The following TNKS variants were observed in gnomAD, a reference collection of about 807,000 sequenced individuals.
The protein encoded by TNKS is poly [ADP-ribose] polymerase tankyrase-1.
Under a neutral mutation model 135.8 loss-of-function variants are expected in TNKS, and 72 were observed. That is an observed-to-expected ratio of 0.53 (90% CI 0.44 to 0.64). The LOEUF (loss-of-function observed/expected upper bound fraction) is 0.64. Among genes scored for constraint, TNKS ranks in the 30% least tolerant of loss-of-function variants. The pLI, the probability that TNKS is intolerant of heterozygous loss-of-function variation, is 0.00. For synonymous variants in TNKS, 849 were observed against 649.3 expected (o/e 1.31, Z -4.68); for missense variants, 1,769 against 1,674.0 (o/e 1.06, Z -0.99).
intron 2 of TNKS, among the ~76,000 whole-genome samples, chr8:9,594,053 T>G (rs533958357): frequency 6.6e-6 from 1 of 152,064 alleles, no homozygotes; most frequent in African/African-American, 2.4e-5. Flanking sequence ...CGCATGGCTA[T>G]GTTTTGTATT....
chr8:9,776,782 GGA>G lies in TNKS; in HGVS notation c.*47_*48del. 1.3e-6 allele frequency: 2 copies of G among 1,532,836 alleles called. No individual in the cohort carries two copies. The highest frequency in any genetic ancestry group is 1.1e-5 in the South Asian group (1 of 89,040). The allele number at this position is 1,532,836 out of a possible 1,614,324, so 95.0% of individuals were successfully genotyped here. On this transcript the variant is annotated 3_prime_UTR_variant, in exon 27 of 27. Coordinates refer to ENST00000310430, the MANE Select transcript of TNKS (RefSeq NM_003747.3). ...CCAGATCAGATTTCAACCTGGGACT[GGA>G]TTACAGAGGATTGTTTCTAATAACA...
intron 3 of TNKS, chr8:9,670,123 C>T (rs1165927131): frequency 1.3e-5 from 2 of 152,146 alleles, no homozygotes; most frequent in Non-Finnish European, 2.9e-5. Context: ...ATCTCCTTTC[C>T]ACATTTCGTT....
chr8:9,638,291 C>T (rs922263536), intron 3 of TNKS, among the ~76,000 whole-genome samples: 7 of 152,150 alleles, frequency 4.6e-5, no homozygotes, highest in Non-Finnish European at 7.3e-5. Context: ...CTTATATTTC[C>T]CTGTGTTTGC....
At chr8:9,688,210 C>T (rs1803100717) in intron 5 of TNKS, among the ~76,000 whole-genome samples, 1 of 152,068 alleles carries the variant, frequency 6.6e-6, no homozygotes, top group African/African-American at 2.4e-5. Context: ...ACAGACTGTT[C>T]AGTTAATATC....
Position 9,781,524 on chromosome 8 carries a change from T to C in TNKS, c.*4788T>C, listed in dbSNP as rs1808456178. The C allele has an allele frequency of 6.6e-6, 1 of 152,242 alleles. No individual in the cohort carries two copies. Among genetic ancestry groups the C allele is most frequent in the South Asian group, 2.1e-4 (1 of 4,834 alleles). 9.4% of individuals were successfully genotyped at this position (152,242 alleles called of 1,614,324 possible). A position where few individuals can be genotyped will look rare whatever the true frequency, so the allele number is the denominator to read the frequency against. The stretch of plus-strand genomic sequence containing the variant: ...GAAGATGACCTTGAGTATGTAAACA[T>C]TGTCTCCGTGACACAAAACACTGAA... On this transcript the variant is annotated 3_prime_UTR_variant, in exon 27 of 27. Coordinates refer to ENST00000310430, the MANE Select transcript of TNKS (RefSeq NM_003747.3).
At chr8:9,706,713 A>C in intron 7 of TNKS, 98 bp from the exon 8 acceptor site, 1 of 1,158,858 alleles carries the variant, frequency 8.6e-7, no homozygotes, top group South Asian at 1.6e-5. Flanking sequence ...TATTTGAACA[A>C]GTTATAACTG....
At chr8:9,766,163 G>T (rs747355918) in intron 24 of TNKS, 76 bp from the exon 25 acceptor site, 50 of 1,236,602 alleles carry the variant, frequency 4.0e-5, no homozygotes, top group Non-Finnish European at 4.8e-5. Flanking sequence ...TAACCTGCCC[G>T]ATGCAAATAG....
At chr8:9,605,406 A>C (rs535606951) in intron 2 of TNKS, among the ~76,000 whole-genome samples, 2 of 152,088 alleles carry the variant, frequency 1.3e-5, no homozygotes, top group South Asian at 4.2e-4. Context: ...ATTTTTTTTC[A>C]ATGTTTGACT....
At chr8:9,755,763 C>T (rs1806802023) in intron 20 of TNKS, among the ~76,000 whole-genome samples, 1 of 152,138 alleles carries the variant, frequency 6.6e-6, no homozygotes, top group Admixed American at 6.5e-5. Context: ...GCTTCTATGT[C>T]TCATTGCCTG....
intron 15 of TNKS, 133 bp downstream of exon 15, chr8:9,733,577 C>T (rs376552450): frequency 1.4e-6 from 1 of 726,860 alleles, no homozygotes. Flanking sequence ...TTCTATTTCC[C>T]AGAAGACCGT....
chr8:9,678,557 A>C (rs1206059484), intron 3 of TNKS, among the ~76,000 whole-genome samples: 1 of 152,194 alleles, frequency 6.6e-6, no homozygotes, highest in Non-Finnish European at 1.5e-5. Context: ...GTATTTAACA[A>C]CTTTTTACTT....
chr8:9,673,647 T>C (rs1170118065), intron 3 of TNKS, among the ~76,000 whole-genome samples: 3 of 151,952 alleles, frequency 2.0e-5, no homozygotes, highest in Non-Finnish European at 4.4e-5. Flanking sequence ...GGTTTCACCA[T>C]CTTGACCAGG....
intron 5 of TNKS, among the ~76,000 whole-genome samples, chr8:9,698,002 G>C (rs1464080312): frequency 6.6e-6 from 1 of 152,106 alleles, no homozygotes; most frequent in African/African-American, 2.4e-5. Flanking sequence ...AATCAACCTA[G>C]GTGCCTATCA....
At chr8:9,606,590 T>C (rs1799229200) in intron 2 of TNKS, among the ~76,000 whole-genome samples, 1 of 152,134 alleles carries the variant, frequency 6.6e-6, no homozygotes, top group Non-Finnish European at 1.5e-5. Flanking sequence ...TTTCCTTTAA[T>C]TCTTGGAATT....
intron 11 of TNKS, among the ~76,000 whole-genome samples, chr8:9,718,017 A>T (rs1000986743): frequency 3.5e-5 from 1 of 28,822 alleles, no homozygotes; most frequent in Non-Finnish European, 1.2e-4. Context: ...TTAAACTGTC[A>T]GAAGTTATTA....
chr8:9,713,039 C>T (rs963659825), intron 11 of TNKS, among the ~76,000 whole-genome samples: 1 of 151,928 alleles, frequency 6.6e-6, no homozygotes, highest in Non-Finnish European at 1.5e-5. Context: ...ATTAAGTGTT[C>T]TCAAAACTTT....
At chr8:9,606,230 T>G (rs1410270580) in intron 2 of TNKS, among the ~76,000 whole-genome samples, 1 of 151,208 alleles carries the variant, frequency 6.6e-6, no homozygotes, top group African/African-American at 2.4e-5. Flanking sequence ...TTTCCACCGT[T>G]GAATTACTGT....
chr8:9,657,649 G>T (rs1801461503), intron 3 of TNKS, among the ~76,000 whole-genome samples: 1 of 87,788 alleles, frequency 1.1e-5, no homozygotes, highest in Non-Finnish European at 2.4e-5. Context: ...CCGGGTGGGG[G>T]GGCTGACCCC....
intron 3 of TNKS, among the ~76,000 whole-genome samples, chr8:9,669,894 A>G (rs2128792304): frequency 6.6e-6 from 1 of 152,326 alleles, no homozygotes; most frequent in South Asian, 2.1e-4. Flanking sequence ...GCTAAATATT[A>G]TATCTAAAAG....
Sources: allele counts gnomAD v4.1 joint callset (sites outside exome capture counted in the v4.1 genomes callset), GRCh38; gene constraint gnomAD v4.1.1; transcripts MANE v1.5; gene names NCBI Gene and HGNC (gene_info 2026-07-23, HGNC 2026-07-21).